ACOX2: variants seen among roughly 807,000 people sequenced by gnomAD.
The protein encoded by ACOX2 is acyl-CoA oxidase 2.
Under a neutral mutation model 77.5 loss-of-function variants are expected in ACOX2, and 59 were observed. The ratio of observed to expected loss-of-function variants is 0.76; its 90% CI spans 0.62 to 0.95. The LOEUF is 0.95. Ranked by LOEUF, ACOX2 falls within the 40% of genes least tolerant of loss-of-function variation. ACOX2 has a pLI of 0.00. For synonymous variants in ACOX2, 317 were observed against 340.1 expected (o/e 0.93, Z 0.75); for missense variants, 837 against 880.4 (o/e 0.95, Z 0.62).
chr3:58,531,526 G>T lies in ACOX2; in HGVS notation c.704-160C>A. The T allele has an allele frequency of 1.6e-6, 2 of 1,255,168 alleles. No individual in the cohort carries two copies. The highest frequency in any genetic ancestry group is 2.2e-6 in the Non-Finnish European group (2 of 903,558). 77.8% of individuals were successfully genotyped at this position (1,255,168 alleles called of 1,614,324 possible). On this transcript the variant is annotated intron_variant, in intron 6 of 14. Coordinates refer to ENST00000302819, the MANE Select transcript of ACOX2 (RefSeq NM_003500.4). The surrounding 1 kb of genome is among the most constrained non-coding windows in gnomAD (Gnocchi z 5.8). ...TGAGGTCAGAAAGATGCTAAATCTT[G>T]CTCAAGTTCACCTAGCCAGTTAGCA...
rs1021285443 is a variant in ACOX2 at position 58,526,822 on chromosome 3, A to G, written c.1156-166T>C. On this transcript the variant is annotated intron_variant, in intron 9 of 14. Coordinates refer to ENST00000302819, the MANE Select transcript of ACOX2 (RefSeq NM_003500.4). The surrounding 1 kb of genome is among the most constrained non-coding windows in gnomAD (Gnocchi z 4.3). ...GAATGAGAAGGCGGGTACTCAGCTTATGTGACTCACCCAGAGGCACACAAT... is the reference window on the plus strand; with the variant it reads ...GAATGAGAAGGCGGGTACTCAGCTTGTGTGACTCACCCAGAGGCACACAAT... The G allele has an allele frequency of 7.0e-6, 5 of 713,278 alleles. No individual in the cohort carries two copies. Among genetic ancestry groups the G allele is most frequent in the Non-Finnish European group, 1.1e-5 (5 of 442,076 alleles). 44.2% of individuals were successfully genotyped at this position (713,278 alleles called of 1,614,324 possible).
chr3:58,534,402 A>G lies in ACOX2; in HGVS notation c.281T>C (p.Leu94Pro). The change falls in exon 3 of 15, where the codon CTG (leucine) becomes CCG (proline). Residue 94 changes from leucine to proline, a missense_variant. By Grantham distance (98) the Leu-to-Pro change is moderately conservative. Coordinates refer to ENST00000302819, the MANE Select transcript of ACOX2 (RefSeq NM_003500.4). This position sits in a 1 kb window ranked among gnomAD's most constrained non-coding sequence, Gnocchi z 4.8. ...TTCACGACCATCTTCTAACCAACCC[A>G]GGCGCCGAGCTATCAACCGGATGTG... ...AFHIRLIARR[L>P]GWLEDGRELG... 6.2e-7 allele frequency: 1 copy of G among 1,614,138 alleles called. No individual in the cohort carries two copies. The highest frequency in any genetic ancestry group is 8.5e-7 in the Non-Finnish European group (1 of 1,180,024).
rs1258393868 is a variant in ACOX2 at position 58,512,610 on chromosome 3, C to T, written c.1851-3585G>A. On this transcript the variant is annotated intron_variant, in intron 13 of 14. Coordinates refer to ENST00000302819, the MANE Select transcript of ACOX2 (RefSeq NM_003500.4). This position sits in a 1 kb window ranked among gnomAD's most constrained non-coding sequence, Gnocchi z 4.8. Reference sequence around the variant, plus strand: ...CTCTCTGCCCTCTGCCGTCATTTTCCACCGCAGTCATGCCATTCCTGCCCC... The same window carrying T: ...CTCTCTGCCCTCTGCCGTCATTTTCTACCGCAGTCATGCCATTCCTGCCCC... Among the ~76,000 whole-genome samples the T allele has an allele frequency of 1.3e-5, 2 of 152,174 alleles. No homozygotes were observed. The highest frequency in any genetic ancestry group is 2.4e-5 in the African/African-American group (1 of 41,436).
rs969820138 is a variant in ACOX2 at position 58,505,441 on chromosome 3, T to C, written c.1984-155A>G. On this transcript the variant is annotated intron_variant, in intron 14 of 14. Transcript: ENST00000302819. This position sits in a 1 kb window ranked among gnomAD's most constrained non-coding sequence, Gnocchi z 4.4. Reference sequence around the variant, plus strand: ...CTAAGACTCATTTTGTGTGAACATATGGAGAAACATTTTTTCCAAAGGGCA... The same window carrying C: ...CTAAGACTCATTTTGTGTGAACATACGGAGAAACATTTTTTCCAAAGGGCA... Among the ~76,000 whole-genome samples the C allele has an allele frequency of 1.3e-5, 2 of 152,250 alleles. No homozygotes were observed. Among genetic ancestry groups the C allele is most frequent in the Admixed American group, 6.5e-5 (1 of 15,288 alleles).
chr3:58,525,735 A>G lies in ACOX2; in HGVS notation c.1346+731T>C, dbSNP rs2063389372. 6.6e-6 allele frequency among the ~76,000 whole-genome samples: 1 copy of G among 152,224 alleles called. No individual in the cohort carries two copies. Among genetic ancestry groups the G allele is most frequent in the Non-Finnish European group, 1.5e-5 (1 of 68,036 alleles). On this transcript the variant is annotated intron_variant, in intron 10 of 14. Coordinates refer to ENST00000302819, the MANE Select transcript of ACOX2 (RefSeq NM_003500.4). This position sits in a 1 kb window ranked among gnomAD's most constrained non-coding sequence, Gnocchi z 5.0. ...AAGTGTGTGGCCGGCAGAAGTGAGC[A>G]GAGGTGGCTGGGTGCGGTGGCTTGT...
At position 58,517,209 on chromosome 3, in the gene ACOX2, A is replaced by C; in HGVS notation, c.1847T>G (p.Ile616Ser). ...RTAYLDLLRL[I>S]RKDAILLTDA... ...GTTTGAAGTCTCTGCCACTCACCGG[A>C]TCAGGCGGAGCAGGTCCAGGTAGGC... The change falls in exon 13 of 15, where the codon ATC (isoleucine) becomes AGC (serine). Residue 616 changes from isoleucine to serine, a missense_variant. Coordinates refer to ENST00000302819, the MANE Select transcript of ACOX2 (RefSeq NM_003500.4). 6.2e-7 allele frequency: 1 copy of C among 1,613,730 alleles called. No individual in the cohort carries two copies.
At position 58,517,291 on chromosome 3, in the gene ACOX2, C is replaced by T; in HGVS notation, c.1765G>A (p.Gly589Ser). The T allele has an allele frequency of 6.2e-7, 1 of 1,614,138 alleles. No homozygotes were observed. Reference sequence around the variant, plus strand: ...AGGAAGGCGTCATGGAGAAAGTCACCCGAGTTAGTCAAGATTCCATGTATG... The same window carrying T: ...AGGAAGGCGTCATGGAGAAAGTCACTCGAGTTAGTCAAGATTCCATGTATG... ...HAIHGILTNS[G>S]DFLHDAFLSG... Residue 589 changes from glycine to serine, a missense_variant, in exon 13 of 15, where the codon GGT (glycine) becomes AGT (serine). Coordinates refer to ENST00000302819, the MANE Select transcript of ACOX2 (RefSeq NM_003500.4).
intron 8 of ACOX2, 114 bp from the exon 9 acceptor site, chr3:58,529,070 A>C: frequency 9.3e-7 from 1 of 1,076,388 alleles, no homozygotes; most frequent in East Asian, 2.6e-5. Flanking sequence ...TCATTGCAAA[A>C]CTTGAACTGA....
chr3:58,518,386 A>T (rs1178429272), intron 12 of ACOX2, among the ~76,000 whole-genome samples: 1 of 151,914 alleles, frequency 6.6e-6, no homozygotes, highest in Non-Finnish European at 1.5e-5. Context: ...CTTCCCGAAG[A>T]CCCCCTCCTT....
intron 14 of ACOX2, among the ~76,000 whole-genome samples, chr3:58,507,885 TCTAACACCATG>T (rs1297551259): frequency 6.6e-6 from 1 of 152,190 alleles, no homozygotes; most frequent in Non-Finnish European, 1.5e-5. Flanking sequence ...TAAGAGCAAG[TCTAACACCATG>T]CTGGGTGTGA....
At position 58,534,697 on chromosome 3, in the gene ACOX2, C is replaced by T. The variant is rs1276325625; in HGVS notation, c.161-175G>A. ...AAGTGAATTGCCCAAGGTTACAAAGCTATGCAGTGGCAGAATTTTAGGACC... is the reference window on the plus strand; with the variant it reads ...AAGTGAATTGCCCAAGGTTACAAAGTTATGCAGTGGCAGAATTTTAGGACC... On this transcript the variant is annotated intron_variant, in intron 2 of 14. Transcript: ENST00000302819. This position sits in a 1 kb window ranked among gnomAD's most constrained non-coding sequence, Gnocchi z 4.8. 7.5e-6 allele frequency: 11 copies of T among 1,474,550 alleles called. No individual in the cohort carries two copies. In the African/African-American group the frequency reaches 1.1e-4, roughly 15 times the overall value. The allele number at this position is 1,474,550 out of a possible 1,614,324, so 91.3% of individuals were successfully genotyped here.
At chr3:58,513,868 G>A (rs2063304291) in intron 13 of ACOX2, among the ~76,000 whole-genome samples, 1 of 152,128 alleles carries the variant, frequency 6.6e-6, no homozygotes, top group Non-Finnish European at 1.5e-5. Flanking sequence ...ACCATTGGGG[G>A]ACTCTGATGT....
chr3:58,534,226 G>A lies in ACOX2; in HGVS notation c.324-81C>T, dbSNP rs2063462442. The A allele has an allele frequency of 1.3e-6, 2 of 1,585,914 alleles. No homozygotes were observed. The highest frequency in any genetic ancestry group is 1.2e-5 in the South Asian group (1 of 86,928). On this transcript the variant is annotated intron_variant, in intron 3 of 14. Coordinates refer to ENST00000302819, the MANE Select transcript of ACOX2 (RefSeq NM_003500.4). The surrounding 1 kb of genome is among the most constrained non-coding windows in gnomAD (Gnocchi z 4.8). ...CCCCCTGCCTGAGCAGAGTACAGGA[G>A]ATAAAGGGCACCTAGCATCCTGGTT...
intron 8 of ACOX2, 62 bp downstream of exon 8, chr3:58,530,404 G>A (rs1031542603): frequency 3.1e-5 from 49 of 1,573,236 alleles, no homozygotes; most frequent in Non-Finnish European, 3.4e-5. Flanking sequence ...GGTGTCAGGG[G>A]GAGGCACTGT....
At position 58,528,947 on chromosome 3, in the gene ACOX2, C is replaced by G; in HGVS notation, c.1002G>C (p.Glu334Asp). Residue 334 changes from glutamate to aspartate, a missense_variant, in exon 9 of 15, where the codon GAG becomes GAC. By Grantham distance (45) the Glu-to-Asp change is conservative. Transcript: ENST00000302819. This position sits in a 1 kb window ranked among gnomAD's most constrained non-coding sequence, Gnocchi z 5.6. ...GTGTCTGGTAGTCCAGGACCTTTGC[C>G]TCTGGGTCACTGAAGGGAAAAGAAC... ...RQSRLRPSDP[E>D]AKVLDYQTQQ... 2 of 1,609,100 alleles carry G rather than the reference C, an allele frequency of 1.2e-6. No individual in the cohort carries two copies. Among genetic ancestry groups the G allele is most frequent in the Non-Finnish European group, 1.7e-6 (2 of 1,177,470 alleles).
chr3:58,535,234 G>C lies in ACOX2; in HGVS notation c.-91-37C>G, dbSNP rs1267289582. ...AGGAACTGCCTAGGGCTGGGTGTCA[G>C]CCAGGGCTGGTTGGTAGAAGAAAGA... On this transcript the variant is annotated intron_variant, in intron 1 of 14. Coordinates refer to ENST00000302819, the MANE Select transcript of ACOX2 (RefSeq NM_003500.4). The surrounding 1 kb of genome is among the most constrained non-coding windows in gnomAD (Gnocchi z 4.8). 3 of 1,212,188 alleles carry C rather than the reference G, an allele frequency of 2.5e-6. No homozygotes were observed. The highest frequency in any genetic ancestry group is 1.4e-5 in the South Asian group (1 of 72,226). The allele number at this position is 1,212,188 out of a possible 1,614,324, so 75.1% of individuals were successfully genotyped here. A position where few individuals can be genotyped will look rare whatever the true frequency, so the allele number is the denominator to read the frequency against.
At position 58,535,009 on chromosome 3, in the gene ACOX2, A is replaced by G; in HGVS notation, c.98T>C (p.Val33Ala). ...ATCAAGGATGTTGGTGAGCCGTTCCACGTCAAAGGACTGCATATACCTCTC... is the reference window on the plus strand; with the variant it reads ...ATCAAGGATGTTGGTGAGCCGTTCCGCGTCAAAGGACTGCATATACCTCTC... ...ESERYMQSFD[V>A]ERLTNILDGG... The change falls in exon 2 of 15, where the codon GTG becomes GCG. Residue 33 changes from valine (V) to alanine (A), a missense_variant. Physicochemically the swap from Val to Ala is moderately conservative, Grantham distance 64 (BLOSUM62 0). Coordinates refer to ENST00000302819, the MANE Select transcript of ACOX2 (RefSeq NM_003500.4). This position sits in a 1 kb window ranked among gnomAD's most constrained non-coding sequence, Gnocchi z 4.8. 6.2e-7 allele frequency: 1 copy of G among 1,614,234 alleles called. No individual in the cohort carries two copies. The highest frequency in any genetic ancestry group is 8.5e-7 in the Non-Finnish European group (1 of 1,180,038).
At position 58,531,595 on chromosome 3, in the gene ACOX2, G is replaced by A. The variant is rs183796572; in HGVS notation, c.703+98C>T. ...ACCGCTCCCTGCCCAAGGGAGACAT[G>A]TCTTAGCTACTCCTGTGGCCCTCTG... On this transcript the variant is annotated intron_variant, in intron 6 of 14. Transcript: ENST00000302819. The surrounding 1 kb of genome is among the most constrained non-coding windows in gnomAD (Gnocchi z 5.8). The A allele has an allele frequency of 3.4e-5, 52 of 1,527,170 alleles. No individual in the cohort carries two copies. Among genetic ancestry groups the A allele is most frequent in the Non-Finnish European group, 4.4e-5 (50 of 1,130,596 alleles). 94.6% of individuals were successfully genotyped at this position (1,527,170 alleles called of 1,614,324 possible).
At position 58,531,581 on chromosome 3, in the gene ACOX2, C is replaced by T. The variant is rs2063439913; in HGVS notation, c.703+112G>A. ...GTCTGTCCAACTGGACCGCTCCCTG[C>T]CCAAGGGAGACATGTCTTAGCTACT... is the stretch of plus-strand genomic sequence containing the variant. On this transcript the variant is annotated intron_variant, in intron 6 of 14. Transcript: ENST00000302819. This position sits in a 1 kb window ranked among gnomAD's most constrained non-coding sequence, Gnocchi z 5.8. 4 of 1,493,254 alleles carry T rather than the reference C, an allele frequency of 2.7e-6. No homozygotes were observed. The highest frequency in any genetic ancestry group is 3.6e-6 in the Non-Finnish European group (4 of 1,105,778). The allele number at this position is 1,493,254 out of a possible 1,614,324, so 92.5% of individuals were successfully genotyped here.
Sources: allele counts gnomAD v4.1 joint callset (sites outside exome capture counted in the v4.1 genomes callset), GRCh38; gene constraint gnomAD v4.1.1; non-coding constraint Gnocchi (gnomAD v3.1); transcripts MANE v1.5; gene names NCBI Gene and HGNC (gene_info 2026-07-23, HGNC 2026-07-21).